Variants in HAUS6 observed in about 807,000 individuals in gnomAD.
HAUS6 encodes HAUS augmin-like complex subunit 6.
In HAUS6, 80 loss-of-function variants were observed where a neutral mutation model predicts 106.8. That is an observed-to-expected ratio of 0.75 (90% CI 0.63 to 0.90). The LOEUF is 0.90. Ranked by LOEUF, HAUS6 falls within the 40% of genes least tolerant of loss-of-function variation. HAUS6 has a pLI of 0.00. For synonymous variants in HAUS6, 356 were observed against 379.1 expected, an observed-to-expected ratio of 0.94 and a Z score of 0.71; for missense variants, 1,155 against 1,118.1, an observed-to-expected ratio of 1.03 and a Z score of -0.47.
At chr9:19,083,980 G>A (rs1304357809) in intron 7 of HAUS6, among the ~76,000 whole-genome samples, 3 of 150,114 alleles carry the variant, frequency 2.0e-5, no homozygotes, top group African/African-American at 7.4e-5. Context: ...GGCACGCACA[G>A]TGGCGCATAC....
chr9:19,059,226 A>T (rs993463099), intron 15 of HAUS6, among the ~76,000 whole-genome samples: 1 of 152,250 alleles, frequency 6.6e-6, no homozygotes, highest in African/African-American at 2.4e-5. Context: ...GCTGTTCCTG[A>T]AATATGCATC....
At chr9:19,093,357 C>T in intron 3 of HAUS6, 54 bp from the exon 4 acceptor site, 2 of 1,410,048 alleles carry the variant, frequency 1.4e-6, no homozygotes, top group South Asian at 2.4e-5. Flanking sequence ...ATAACTCTTA[C>T]ATTTACATCA....
intron 4 of HAUS6, among the ~76,000 whole-genome samples, chr9:19,090,277 T>C (rs1018185832): frequency 6.6e-6 from 1 of 152,206 alleles, no homozygotes; most frequent in Non-Finnish European, 1.5e-5. Context: ...ATTTGAGATA[T>C]CTAGAAATAC....
At chr9:19,088,902 G>C (rs893621296) in intron 5 of HAUS6, among the ~76,000 whole-genome samples, 1 of 150,922 alleles carries the variant, frequency 6.6e-6, no homozygotes, top group African/African-American at 2.5e-5. Context: ...AATAAGTAAA[G>C]TGATCTTTTC....
intron 14 of HAUS6, 40 bp downstream of exon 14, chr9:19,062,968 T>C: frequency 1.4e-6 from 2 of 1,439,792 alleles, no homozygotes; most frequent in Non-Finnish European, 1.9e-6. Flanking sequence ...GCCCATCCAA[T>C]AACTGATATT....
chr9:19,057,647 T>C, intron 16 of HAUS6: 1 of 365,840 alleles, frequency 2.7e-6, no homozygotes, highest in African/African-American at 2.1e-5. Context: ...TCTCAAGTGT[T>C]TAAAAACCAC....
intron 4 of HAUS6, among the ~76,000 whole-genome samples, chr9:19,091,797 G>C (rs1205777960): frequency 1.3e-5 from 2 of 152,226 alleles, no homozygotes; most frequent in East Asian, 3.9e-4. Context: ...AAGTAGCTGG[G>C]ATTACAGGTG....
rs773565485 is a variant in HAUS6, at chr9:19,058,315, C to T, written c.2452G>A (p.Gly818Arg). 1 of 1,613,670 alleles carries T rather than the reference C, an allele frequency of 6.2e-7. No homozygotes were observed. The highest frequency in any genetic ancestry group is 2.2e-5 in the East Asian group (1 of 44,882). Reference sequence around the variant, plus strand: ...GATTCTGGAGTAGTCTGTCTCCCTCCCACAACATCTTCTAGAAGAGTGCCA... The same window carrying T: ...GATTCTGGAGTAGTCTGTCTCCCTCTCACAACATCTTCTAGAAGAGTGCCA... ...HGGTLLEDVV[G>R]GRQTTPESDF... The change falls in exon 16 of 17, where the codon GGA (glycine) becomes AGA (arginine). Residue 818 changes from glycine to arginine, a missense_variant. Physicochemically the swap from Gly to Arg is moderately radical, Grantham distance 125. Around this residue, in one of 3 missense-constraint regions of HAUS6, gnomAD observed 380 missense variants for 394.8 expected, o/e 0.96. Transcript: ENST00000380502.
At position 19,085,615 on chromosome 9, in the gene HAUS6, C is replaced by CAA. The variant is rs71494997; in HGVS notation, c.699+1117_699+1118dup. 5.3e-4 allele frequency among the ~76,000 whole-genome samples: 69 copies of CAA among 129,814 alleles called. 1 individual carries two copies. Among genetic ancestry groups the CAA allele is most frequent in the South Asian group, 1.7e-3 (7 of 4,026 alleles). The allele number at this position is 129,814 out of a possible 152,430, so 85.2% of individuals were successfully genotyped here. A position where few individuals can be genotyped will look rare whatever the true frequency, so the allele number is the denominator to read the frequency against. On this transcript the variant is annotated intron_variant, in intron 7 of 16. Transcript: ENST00000380502. ...CAAAGAGCTTGAGAGAGATTTTATC[C>CAA]AAAAAAAAAAAAAAAGAAAACCTAA... is the stretch of plus-strand genomic sequence containing the variant.
Position 19,063,572 on chromosome 9 carries a change from G to A in HAUS6, c.1385C>T (p.Ser462Phe). ...TGATGAAACTGACTGCGACAAGAAA[G>A]AGGCAGGGCTAAAAGGAAAAAAGAC... ...ALHDLANSPA[S>F]FLSQSVSSSD... is the part of the protein sequence containing the mutation. The change falls in exon 13 of 17, where the codon TCT (serine) becomes TTT (phenylalanine). Residue 462 changes from serine (S) to phenylalanine (F), a missense_variant. Ser to Phe is a radical substitution (Grantham distance 155, BLOSUM62 -2). Transcript: ENST00000380502. 7.5e-6 allele frequency: 12 copies of A among 1,604,460 alleles called. No homozygotes were observed. The highest frequency in any genetic ancestry group is 2.2e-5 in the East Asian group (1 of 44,818).
intron 11 of HAUS6, among the ~76,000 whole-genome samples, chr9:19,074,176 G>C (rs889030778): frequency 6.6e-6 from 1 of 151,988 alleles, no homozygotes; most frequent in African/African-American, 2.4e-5. Flanking sequence ...GAACCCGGGA[G>C]GCGAAGGTTG....
At chr9:19,060,673 C>T (rs1836592450) in intron 14 of HAUS6, among the ~76,000 whole-genome samples, 1 of 152,186 alleles carries the variant, frequency 6.6e-6, no homozygotes, top group Admixed American at 6.5e-5. Flanking sequence ...TGACAACATA[C>T]CTCTTCACCA....
chr9:19,100,986 T>C (rs1817974699), intron 1 of HAUS6, among the ~76,000 whole-genome samples: 4 of 152,128 alleles, frequency 2.6e-5, no homozygotes, highest in African/African-American at 9.7e-5. Context: ...GGTACAAATA[T>C]ACAGTTAGAT....
At chr9:19,087,593 A>G (rs764363615) in intron 5 of HAUS6, among the ~76,000 whole-genome samples, 6 of 152,144 alleles carry the variant, frequency 3.9e-5, no homozygotes, top group Non-Finnish European at 1.5e-5. Flanking sequence ...AATGGCTCAC[A>G]CCTGTAATGC....
In HAUS6 at chr9:19,053,199, T is replaced by C. The variant is rs1231829563; in HGVS notation, c.*3144A>G. The C allele has an allele frequency of 6.6e-6, 1 of 152,010 alleles. No homozygotes were observed. The highest frequency in any genetic ancestry group is 1.5e-5 in the Non-Finnish European group (1 of 67,994). The allele number at this position is 152,010 out of a possible 1,614,324, so 9.4% of individuals were successfully genotyped here. ...TTTAAAACATTTACAGAGAGTCCCA[T>C]AGAGGATTCTCAAATATTTTAAACT... On this transcript the variant is annotated 3_prime_UTR_variant, in exon 17 of 17. Transcript: ENST00000380502.
At chr9:19,059,173 C>A (rs1020589497) in intron 15 of HAUS6, among the ~76,000 whole-genome samples, 172 bp from the exon 16 acceptor site, 1 of 152,298 alleles carries the variant, frequency 6.6e-6, no homozygotes, top group Admixed American at 6.5e-5. Flanking sequence ...CATCGAAGAA[C>A]CCCATCTCCA....
In HAUS6 at chr9:19,053,428, T is replaced by C. The variant is rs1214382029; in HGVS notation, c.*2915A>G. On this transcript the variant is annotated 3_prime_UTR_variant, in exon 17 of 17. Coordinates refer to ENST00000380502, the MANE Select transcript of HAUS6 (RefSeq NM_017645.5). ...GTCTCCAGAATTCCTGTTTTTCCTT[T>C]AGATAAATTTGACTTCATAGTCAAG... 1.3e-5 allele frequency: 2 copies of C among 152,182 alleles called. No individual in the cohort carries two copies. Among genetic ancestry groups the C allele is most frequent in the Non-Finnish European group, 2.9e-5 (2 of 67,992 alleles). The allele number at this position is 152,182 out of a possible 1,614,324, so 9.4% of individuals were successfully genotyped here.
chr9:19,098,136 C>G (rs955730795), intron 1 of HAUS6, among the ~76,000 whole-genome samples: 1 of 152,122 alleles, frequency 6.6e-6, no homozygotes, highest in Admixed American at 6.6e-5. Context: ...TTTGTTCCAT[C>G]GCTAGACTAA....
At chr9:19,065,335 G>A (rs545138212) in intron 12 of HAUS6, among the ~76,000 whole-genome samples, 4 of 152,154 alleles carry the variant, frequency 2.6e-5, no homozygotes, top group Non-Finnish European at 5.9e-5. Flanking sequence ...GAAGGATGGT[G>A]ATCCCCTTGT....
Sources: gnomAD v4.1 joint callset for allele counts (sites outside exome capture counted in the v4.1 genomes callset) on GRCh38, gnomAD v4.1.1 for gene constraint, gnomAD v4.1.1 regional missense constraint, MANE v1.5 for transcripts, NCBI Gene and HGNC (gene_info 2026-07-23, HGNC 2026-07-21) for gene names.